Variants in AP1S3 observed in about 807,000 individuals in gnomAD.
AP1S3 encodes the protein adaptor related protein complex 1 subunit sigma 3.
AP1S3 carries 10 observed loss-of-function variants against 20.9 expected under a neutral mutation model. The observed-to-expected ratio is 0.48, with a 90% CI of 0.29 to 0.81. The LOEUF is 0.81. AP1S3 is among the 30% of genes least tolerant of loss of function. The pLI is 0.08. For missense variants in AP1S3, 154 were observed against 183.8 expected (o/e 0.84, Z 0.94); for synonymous variants, 41 against 61.5 (o/e 0.67, Z 1.56).
chr2:223,771,344 AG>A (rs1690619362), intron 3 of AP1S3, among the ~76,000 whole-genome samples: 1 of 152,108 alleles, frequency 6.6e-6, no homozygotes, highest in Non-Finnish European at 1.5e-5. Flanking sequence ...CTCGGGAAAA[AG>A]AAACAAAATA....
At chr2:223,770,727 A>ATTTTTTTTTTTTTTTTT (rs764596538) in intron 3 of AP1S3, among the ~76,000 whole-genome samples, 1 of 115,316 alleles carries the variant, frequency 8.7e-6, no homozygotes. Context: ...AGACCAGTTC[A>ATTTTTTTTTTTTTTTTT]TTTTTTTTTT....
chr2:223,755,824 C>T lies in AP1S3; in HGVS notation c.*2891G>A, dbSNP rs1296368705. 1 of 985,164 alleles carries T rather than the reference C, an allele frequency of 1.0e-6. No homozygotes were observed. The highest frequency in any genetic ancestry group is 1.1e-4 in the East Asian group (1 of 8,814). The allele number at this position is 985,164 out of a possible 1,614,324, so 61.0% of individuals were successfully genotyped here. ...GGATTACAGGCGTGAGCCACCTTGC[C>T]CAGAAGAGATATATTTACTTTCTAT... is the stretch of plus-strand genomic sequence containing the variant. On this transcript the variant is annotated 3_prime_UTR_variant, in exon 5 of 5. Coordinates refer to ENST00000396654, the MANE Select transcript of AP1S3 (RefSeq NM_001039569.2).
intron 1 of AP1S3, among the ~76,000 whole-genome samples, chr2:223,785,827 G>A (rs1273349160): frequency 6.6e-5 from 10 of 152,236 alleles, no homozygotes; most frequent in Admixed American, 5.2e-4. Context: ...CTATAATGGT[G>A]GATCCGTGTC....
intron 1 of AP1S3, among the ~76,000 whole-genome samples, chr2:223,809,101 T>G (rs1414797133): frequency 6.6e-6 from 1 of 152,222 alleles, no homozygotes; most frequent in African/African-American, 2.4e-5. Flanking sequence ...GTTATTAATA[T>G]AATAGTTAGA....
At chr2:223,824,281 A>G (rs1323003068) in intron 1 of AP1S3, among the ~76,000 whole-genome samples, 1 of 151,130 alleles carries the variant, frequency 6.6e-6, no homozygotes, top group African/African-American at 2.4e-5. Context: ...GGGATTATAG[A>G]TGTGAGCTAC....
rs189592695 is a variant in AP1S3, at chr2:223,823,247, C to T, written c.3+14201G>A. On this transcript the variant is annotated intron_variant, in intron 1 of 4. Coordinates refer to ENST00000396654, the MANE Select transcript of AP1S3 (RefSeq NM_001039569.2). ...AGCAATCCCACTACTGAGTATATAC[C>T]CAAGGGATATGAAATCAGCATTTGG... is the stretch of plus-strand genomic sequence containing the variant. 3.3e-5 allele frequency among the ~76,000 whole-genome samples: 5 copies of T among 152,150 alleles called. No homozygotes were observed. The East Asian group carries it at 7.7e-4, about 23-fold the overall frequency.
At chr2:223,819,569 A>T (rs1168071514) in intron 1 of AP1S3, among the ~76,000 whole-genome samples, 1 of 151,530 alleles carries the variant, frequency 6.6e-6, no homozygotes, top group Non-Finnish European at 1.5e-5. Context: ...CAAGGGTGTT[A>T]CAAAAATACT....
chr2:223,786,933 G>T (rs188550786), intron 1 of AP1S3, among the ~76,000 whole-genome samples: 102 of 152,176 alleles, frequency 6.7e-4, no homozygotes, highest in African/African-American at 2.4e-3. Context: ...GAAGTGATAT[G>T]GTTTGGATCT....
At chr2:223,770,530 A>ACACACACACC (rs529875245) in intron 3 of AP1S3, among the ~76,000 whole-genome samples, 1 of 148,938 alleles carries the variant, frequency 6.7e-6, no homozygotes, top group Non-Finnish European at 1.5e-5. Flanking sequence ...ACACACACAC[A>ACACACACACC]CCCCTTGATA....
At chr2:223,762,324 G>A (rs1334658066) in intron 4 of AP1S3, among the ~76,000 whole-genome samples, 6 of 135,202 alleles carry the variant, frequency 4.4e-5, no homozygotes, top group African/African-American at 1.9e-4. Flanking sequence ...CCAGGCTGGA[G>A]TGCAGTGGTG....
chr2:223,758,221 T>G lies in AP1S3; in HGVS notation c.*494A>C. 2.0e-6 allele frequency: 2 copies of G among 980,230 alleles called. No individual in the cohort carries two copies. The highest frequency in any genetic ancestry group is 2.4e-6 in the Non-Finnish European group (2 of 824,764). 60.7% of individuals were successfully genotyped at this position (980,230 alleles called of 1,614,324 possible). ...TGCAGTTACAGTACTATTAAGTGTA[T>G]GAAAAATGTCTAGCATTACATATAA... On this transcript the variant is annotated 3_prime_UTR_variant, in exon 5 of 5. Transcript: ENST00000396654.
At chr2:223,832,135 C>CTGTGTGTGTGTGTGTGTG (rs774812162) in intron 1 of AP1S3, among the ~76,000 whole-genome samples, 3 of 70,736 alleles carry the variant, frequency 4.2e-5, no homozygotes, top group East Asian at 6.0e-4. Context: ...AGTTTTCTCT[C>CTGTGTGTGTGTGTGTGTG]TGTGTGTGTG....
intron 1 of AP1S3, among the ~76,000 whole-genome samples, chr2:223,821,318 GC>G (rs1691982548): frequency 6.6e-6 from 1 of 152,088 alleles, no homozygotes; most frequent in Non-Finnish European, 1.5e-5. Flanking sequence ...ACCACACCCA[GC>G]TAATTTTTTG....
At chr2:223,801,877 C>T (rs746556926) in intron 1 of AP1S3, among the ~76,000 whole-genome samples, 4 of 152,160 alleles carry the variant, frequency 2.6e-5, no homozygotes, top group Non-Finnish European at 5.9e-5. Flanking sequence ...ATTCAACTGA[C>T]GACAATAATG....
At chr2:223,822,974 G>C in intron 1 of AP1S3, among the ~76,000 whole-genome samples, 1 of 151,986 alleles carries the variant, frequency 6.6e-6, no homozygotes, top group South Asian at 2.1e-4. Flanking sequence ...TGGCCAACCA[G>C]TATATGGGGA....
chr2:223,764,197 G>A (rs1690426017), intron 4 of AP1S3, among the ~76,000 whole-genome samples: 1 of 142,546 alleles, frequency 7.0e-6, no homozygotes, highest in South Asian at 2.2e-4. Flanking sequence ...GGGATTACAG[G>A]AGTGAGCCAC....
At chr2:223,837,215 A>ATGGAGCCG (rs1170104938) in intron 1 of AP1S3, among the ~76,000 whole-genome samples, 10 of 148,440 alleles carry the variant, frequency 6.7e-5, no homozygotes, top group African/African-American at 2.4e-4. Flanking sequence ...GAATGAATGA[A>ATGGAGCCG]TGGAGCCGCG....
In AP1S3 at chr2:223,797,246, G is replaced by A. The variant is rs79447024; in HGVS notation, c.4-19377C>T. 5.3e-3 allele frequency among the ~76,000 whole-genome samples: 811 copies of A among 152,224 alleles called. 14 individuals carry two copies. Among genetic ancestry groups the A allele is most frequent in the African/African-American group, 0.019 (771 of 41,528 alleles). On this transcript the variant is annotated intron_variant, in intron 1 of 4. Transcript: ENST00000396654. ...CAGAGGCAGGTAACATATTAAATAA[G>A]GGTAAAGATCAGCATCATACAATAG...
rs958335082 is a variant in AP1S3 at position 223,755,715 on chromosome 2, G to A, written c.*3000C>T. On this transcript the variant is annotated 3_prime_UTR_variant, in exon 5 of 5. Coordinates refer to ENST00000396654, the MANE Select transcript of AP1S3 (RefSeq NM_001039569.2). ...TTGGCTAATTTTTGAATTTTTAGTAGAGACAGGGTTTCACCATGTTGGCCA... is the reference window on the plus strand; with the variant it reads ...TTGGCTAATTTTTGAATTTTTAGTAAAGACAGGGTTTCACCATGTTGGCCA... 23 of 404,226 alleles carry A rather than the reference G, an allele frequency of 5.7e-5. No individual in the cohort carries two copies. The highest frequency in any genetic ancestry group is 7.7e-5 in the Non-Finnish European group (23 of 298,804). 25.0% of individuals were successfully genotyped at this position (404,226 alleles called of 1,614,324 possible).
Sources: allele counts gnomAD v4.1 joint callset (sites outside exome capture counted in the v4.1 genomes callset), GRCh38; gene constraint gnomAD v4.1.1; transcripts MANE v1.5; gene names NCBI Gene and HGNC (gene_info 2026-07-23, HGNC 2026-07-21).